ARK2N: variants seen among roughly 807,000 people sequenced by gnomAD.
The protein encoded by ARK2N is protein ARK2N.
chr18:46,257,987 C>CA, the ARK2N span, among the ~76,000 whole-genome samples: 1 of 151,008 alleles, frequency 6.6e-6, no homozygotes, highest in South Asian at 2.1e-4. Flanking sequence ...AGTGCAGTGA[C>CA]ACGATTTCGG....
the ARK2N span, among the ~76,000 whole-genome samples, chr18:46,209,806 G>A: frequency 6.6e-6 from 1 of 152,140 alleles, no homozygotes; most frequent in Admixed American, 6.5e-5. Flanking sequence ...ATGTTGGCCA[G>A]GGTGGTCTTG....
the ARK2N span, among the ~76,000 whole-genome samples, chr18:46,182,345 T>A: frequency 6.6e-6 from 1 of 152,194 alleles, no homozygotes; most frequent in Non-Finnish European, 1.5e-5. Flanking sequence ...GCAGCTTTTA[T>A]CTTGGGACCT....
At chr18:46,229,255 G>C in the ARK2N span, among the ~76,000 whole-genome samples, 1 of 151,898 alleles carries the variant, frequency 6.6e-6, no homozygotes, top group Non-Finnish European at 1.5e-5. Flanking sequence ...CTTTAAAGTG[G>C]TTACACCTTT....
At chr18:46,261,748 C>T in the ARK2N span, among the ~76,000 whole-genome samples, 2 of 152,342 alleles carry the variant, frequency 1.3e-5, no homozygotes, top group East Asian at 1.9e-4. Flanking sequence ...GCCCTCTGCT[C>T]TGGCCCTGAG....
the ARK2N span, among the ~76,000 whole-genome samples, chr18:46,186,981 A>C: frequency 4.0e-5 from 6 of 150,646 alleles, no homozygotes; most frequent in Admixed American, 4.0e-4. Context: ...CAGCCTCCCG[A>C]GTTGCTGGGA....
the ARK2N span, among the ~76,000 whole-genome samples, chr18:46,213,821 C>G: frequency 6.6e-6 from 1 of 152,080 alleles, no homozygotes; most frequent in Non-Finnish European, 1.5e-5. Flanking sequence ...CTCAGCCTCC[C>G]GAGTAGCTGG....
At chr18:46,263,200 T>G in the ARK2N span, 12 of 1,359,246 alleles carry the variant, frequency 8.8e-6, no homozygotes, top group Non-Finnish European at 1.1e-5. Flanking sequence ...TTGTCATAGC[T>G]TCAGCTTCAG....
At chr18:46,200,482 G>T in the ARK2N span, among the ~76,000 whole-genome samples, 1 of 151,924 alleles carries the variant, frequency 6.6e-6, no homozygotes. Context: ...TAATTTTTGT[G>T]TTTTTAGTAG....
chr18:46,175,136 C>T, the ARK2N span, among the ~76,000 whole-genome samples: 1 of 151,262 alleles, frequency 6.6e-6, no homozygotes, highest in Admixed American at 6.6e-5. Context: ...ACCCCCGTCC[C>T]CGGCAGCCCC....
the ARK2N span, among the ~76,000 whole-genome samples, chr18:46,192,360 T>C: frequency 1.3e-5 from 2 of 151,768 alleles, no homozygotes; most frequent in African/African-American, 4.8e-5. Flanking sequence ...GATCACAAGG[T>C]CAGGAGTTCG....
At chr18:46,211,900 C>T in the ARK2N span, among the ~76,000 whole-genome samples, 12 of 152,296 alleles carry the variant, frequency 7.9e-5, no homozygotes, top group East Asian at 2.3e-3. Flanking sequence ...TTTTATACTG[C>T]TAGCTACTTG....
At chr18:46,197,357 C>T in the ARK2N span, among the ~76,000 whole-genome samples, 1 of 152,046 alleles carries the variant, frequency 6.6e-6, no homozygotes, top group African/African-American at 2.4e-5. Context: ...GCCTTAGCCT[C>T]CCTAGTAGCT....
the ARK2N span, among the ~76,000 whole-genome samples, chr18:46,221,399 A>C: frequency 6.6e-6 from 1 of 151,302 alleles, no homozygotes; most frequent in Non-Finnish European, 1.5e-5. Flanking sequence ...TACAAAAAAA[A>C]AAAAAGAAAA....
the ARK2N span, among the ~76,000 whole-genome samples, chr18:46,187,381 AC>A: frequency 1.4e-4 from 20 of 146,884 alleles, no homozygotes; most frequent in African/African-American, 2.3e-4. Context: ...TTGCTCTGTC[AC>A]CCGGGCTGGA....
chr18:46,216,746 AT>A, the ARK2N span: 1 of 683,690 alleles, frequency 1.5e-6, no homozygotes, highest in Non-Finnish European at 2.4e-6. The surrounding 1 kb of genome is among the most constrained non-coding windows in gnomAD (Gnocchi z 4.3). Context: ...GACATGGCCA[AT>A]TTATAAAACC....
chr18:46,233,876 A>T, the ARK2N span, among the ~76,000 whole-genome samples: 1 of 152,196 alleles, frequency 6.6e-6, no homozygotes, highest in African/African-American at 2.4e-5. Flanking sequence ...TCCGAAACAA[A>T]GTTTCAGTGC....
At chr18:46,211,062 G>A in the ARK2N span, among the ~76,000 whole-genome samples, 2 of 152,114 alleles carry the variant, frequency 1.3e-5, no homozygotes, top group African/African-American at 4.8e-5. Context: ...CCAAAGAAAG[G>A]CATTAATTGG....
At chr18:46,225,091 A>G in the ARK2N span, among the ~76,000 whole-genome samples, 2 of 152,180 alleles carry the variant, frequency 1.3e-5, no homozygotes, top group African/African-American at 4.8e-5. Flanking sequence ...CCACGTGTGG[A>G]TGGAAAAGGT....
the ARK2N span, among the ~76,000 whole-genome samples, chr18:46,177,768 G>T: frequency 1.3e-5 from 2 of 152,070 alleles, no homozygotes; most frequent in Non-Finnish European, 2.9e-5. Context: ...ACTTAGCTGG[G>T]TGGGGTGGTA....
Sources: gnomAD v4.1 joint callset for allele counts (sites outside exome capture counted in the v4.1 genomes callset) on GRCh38, gnomAD v4.1.1 for gene constraint, Gnocchi (gnomAD v3.1) non-coding constraint, MANE v1.5 for transcripts, NCBI Gene and HGNC (gene_info 2026-07-23, HGNC 2026-07-21) for gene names.